Variants in ARAP2 observed in about 807,000 individuals in gnomAD.
ARAP2 encodes the protein ArfGAP with RhoGAP domain, ankyrin repeat and PH domain 2.
A neutral mutation model predicts 194.5 loss-of-function variants in ARAP2; 148 were observed. The ratio of observed to expected loss-of-function variants is 0.76; its 90% CI spans 0.67 to 0.87. The LOEUF is 0.87. Among genes scored for constraint, ARAP2 ranks in the 40% least tolerant of loss-of-function variants. ARAP2 has a pLI of 0.00. For synonymous variants in ARAP2, 695 were observed against 683.5 expected (o/e 1.02, Z -0.26); for missense variants, 2,128 against 1,989.7 (o/e 1.07, Z -1.32).
intron 9 of ARAP2, among the ~76,000 whole-genome samples, chr4:36,171,885 A>AAATTAAATTC (rs1736744922): frequency 6.6e-6 from 1 of 152,238 alleles, no homozygotes; most frequent in Non-Finnish European, 1.5e-5. Context: ...TGTGAATGGT[A>AAATTAAATTC]AATGTTCAAT....
Position 36,214,412 on chromosome 4 carries a change from A to G in ARAP2, c.964+10T>C. The stretch of plus-strand genomic sequence containing the variant: ...TCTAATTTAAGGAGACATTAAACAC[A>G]TAGACTCACTTTGCCATGCCACAGA... On this transcript the variant is annotated intron_variant, in intron 3 of 32. Transcript: ENST00000303965. The G allele has an allele frequency of 1.9e-6, 3 of 1,593,368 alleles. No individual in the cohort carries two copies. The highest frequency in any genetic ancestry group is 2.6e-6 in the Non-Finnish European group (3 of 1,167,226).
In ARAP2 at chr4:36,141,347, C is replaced by T. The variant is rs912294467; in HGVS notation, c.3263+5949G>A. ...AAACCCCTAAGTGTGATCAAGAAAGCTTTATTTTCCAAAATAATTTTTAAA... is the reference window on the plus strand; with the variant it reads ...AAACCCCTAAGTGTGATCAAGAAAGTTTTATTTTCCAAAATAATTTTTAAA... On this transcript the variant is annotated intron_variant, in intron 19 of 32. Coordinates refer to ENST00000303965, the MANE Select transcript of ARAP2 (RefSeq NM_015230.4). Among the ~76,000 whole-genome samples, 3 of 151,584 alleles carry T rather than the reference C, an allele frequency of 2.0e-5. No homozygotes were observed. In the Admixed American group the frequency reaches 2.0e-4, roughly 10 times the overall value.
At chr4:36,162,035 G>A (rs779991038) in intron 11 of ARAP2, among the ~76,000 whole-genome samples, 1 of 151,612 alleles carries the variant, frequency 6.6e-6, no homozygotes, top group Non-Finnish European at 1.5e-5. Flanking sequence ...GTGAACCCGG[G>A]AGGCGGAGCT....
chr4:36,213,161 C>A (rs1747133515), intron 4 of ARAP2, 82 bp downstream of exon 4: 2 of 1,069,160 alleles, frequency 1.9e-6, no homozygotes, highest in South Asian at 1.4e-5. Flanking sequence ...CTTCAAATAG[C>A]TTGGAGAAAA....
At chr4:36,241,697 G>T (rs74420515) in intron 1 of ARAP2, among the ~76,000 whole-genome samples, 3,203 of 152,230 alleles carry the variant, frequency 0.021, 69 homozygotes, top group African/African-American at 0.052. Context: ...TTTTTGCAAA[G>T]AATTTGATAT....
At chr4:36,052,242 GA>G (rs1182006697) in intron 2 of ARAP2, among the ~76,000 whole-genome samples, 1 of 152,184 alleles carries the variant, frequency 6.6e-6, no homozygotes, top group Non-Finnish European at 1.5e-5. Flanking sequence ...AAATTGCCAG[GA>G]AACACAAACA....
chr4:36,163,212 C>G (rs1436635231), intron 11 of ARAP2, among the ~76,000 whole-genome samples: 4 of 150,542 alleles, frequency 2.7e-5, no homozygotes, highest in African/African-American at 9.8e-5. Flanking sequence ...CCCAAGGGAA[C>G]ACATGTATTT....
intron 3 of ARAP2, among the ~76,000 whole-genome samples, chr4:36,213,874 T>G (rs1747329316): frequency 6.6e-6 from 1 of 152,122 alleles, no homozygotes. Flanking sequence ...TGAATTATAC[T>G]AATCTACAAA....
intron 2 of ARAP2, among the ~76,000 whole-genome samples, chr4:36,052,727 G>A (rs1722875271): frequency 6.6e-6 from 1 of 152,174 alleles, no homozygotes; most frequent in Admixed American, 6.5e-5. Flanking sequence ...CACTTTGGGA[G>A]GCCGAGGCGG....
intron 27 of ARAP2, among the ~76,000 whole-genome samples, chr4:36,096,050 A>G (rs1284014729): frequency 6.6e-6 from 1 of 152,076 alleles, no homozygotes; most frequent in East Asian, 1.9e-4. Flanking sequence ...TAAAATTTAT[A>G]AAATAAAAAC....
At chr4:36,183,888 T>C (rs748034035) in intron 8 of ARAP2, among the ~76,000 whole-genome samples, 3 of 152,152 alleles carry the variant, frequency 2.0e-5, no homozygotes, top group Non-Finnish European at 4.4e-5. Context: ...ACAACACTGG[T>C]CAGGGAAGAC....
intron 19 of ARAP2, among the ~76,000 whole-genome samples, chr4:36,145,544 G>A (rs1350171510): frequency 6.6e-6 from 1 of 151,914 alleles, no homozygotes; most frequent in Non-Finnish European, 1.5e-5. Flanking sequence ...ACCAAAGGGG[G>A]CAAGGGCTGA....
intron 31 of ARAP2, 47 bp from the exon 32 acceptor site, chr4:36,073,870 G>A (rs777668988): frequency 6.2e-7 from 1 of 1,600,606 alleles, no homozygotes; most frequent in Non-Finnish European, 8.5e-7. Flanking sequence ...TTTATTATGT[G>A]GTATACTATG....
intron 30 of ARAP2, 34 bp from the exon 31 acceptor site, chr4:36,080,313 A>G (rs1729222645): frequency 3.9e-6 from 6 of 1,557,462 alleles, no homozygotes; most frequent in East Asian, 2.3e-5. Context: ...ATGTCATTCA[A>G]AAAGACAATT....
At chr4:36,022,809 G>A (rs1439484649) in intron 5 of ARAP2, among the ~76,000 whole-genome samples, 2 of 152,114 alleles carry the variant, frequency 1.3e-5, no homozygotes, top group African/African-American at 4.8e-5. Context: ...AGTGAACAAG[G>A]ATAACAGAGA....
At chr4:36,207,170 A>G (rs765582028) in intron 6 of ARAP2, among the ~76,000 whole-genome samples, 5 of 152,244 alleles carry the variant, frequency 3.3e-5, no homozygotes, top group Non-Finnish European at 7.3e-5. Context: ...GCTGGAATAA[A>G]TTATATCCAG....
intron 5 of ARAP2, among the ~76,000 whole-genome samples, chr4:36,040,061 A>G (rs2109223544): frequency 6.6e-6 from 1 of 152,320 alleles, no homozygotes; most frequent in Middle Eastern, 3.4e-3. Flanking sequence ...GAATAAATGG[A>G]CATGTGTACT....
chr4:36,147,535 A>T lies in ARAP2; in HGVS notation c.3199+13T>A. 6.3e-7 allele frequency: 1 copy of T among 1,599,444 alleles called. No homozygotes were observed. The highest frequency in any genetic ancestry group is 1.1e-5 in the South Asian group (1 of 88,000). ...AAAGTGTTCCAAAGATAAGGGAAGA[A>T]AAAAGCTCTTACTTAGCTCTTGCAG... is the stretch of plus-strand genomic sequence containing the variant. On this transcript the variant is annotated intron_variant, in intron 18 of 32. Transcript: ENST00000303965.
downstream of ARAP2, among the ~76,000 whole-genome samples, chr4:36,064,706 C>T (rs1027165977): frequency 5.9e-5 from 9 of 152,190 alleles, no homozygotes; most frequent in African/African-American, 2.2e-4. Context: ...CCCTGATTTG[C>T]TATCCCTGGA....
Sources: gnomAD v4.1 joint callset for allele counts (sites outside exome capture counted in the v4.1 genomes callset) on GRCh38, gnomAD v4.1.1 for gene constraint, MANE v1.5 for transcripts, NCBI Gene and HGNC (gene_info 2026-07-23, HGNC 2026-07-21) for gene names.